The following AMPH variants were observed in gnomAD, a reference collection of about 807,000 sequenced individuals.
AMPH encodes the protein amphiphysin.
AMPH carries 49 observed loss-of-function variants against 99.1 expected under a neutral mutation model. The observed-to-expected ratio is 0.49, with a 90% CI of 0.39 to 0.63. The LOEUF (loss-of-function observed/expected upper bound fraction) is 0.63. AMPH is among the 20% of genes least tolerant of loss of function. AMPH has a pLI of 0.00. For synonymous variants in AMPH, 314 were observed against 317.3 expected (o/e 0.99, Z 0.11); for missense variants, 759 against 863.4 (o/e 0.88, Z 1.52).
chr7:38,539,238 C>T lies in AMPH; in HGVS notation c.70-4227G>A, dbSNP rs189602047. Among the ~76,000 whole-genome samples the T allele has an allele frequency of 2.1e-4, 32 of 152,234 alleles. No homozygotes were observed. The East Asian group carries it at 5.6e-3, about 27-fold the overall frequency. ...TGAAAGTGTCCACTGGATTTAGGAA[C>T]CAGAAGGTTCCTGGGATCCTTCCCA... is the stretch of plus-strand genomic sequence containing the variant. On this transcript the variant is annotated intron_variant, in intron 1 of 20. Coordinates refer to ENST00000356264, the MANE Select transcript of AMPH (RefSeq NM_001635.4).
At chr7:38,548,270 C>G (rs1791062685) in intron 1 of AMPH, among the ~76,000 whole-genome samples, 1 of 152,062 alleles carries the variant, frequency 6.6e-6, no homozygotes, top group Admixed American at 6.5e-5. Flanking sequence ...ACCTCGTGAT[C>G]TGCCTGCCTC....
chr7:38,464,819 A>G (rs6953203), intron 9 of AMPH, among the ~76,000 whole-genome samples: 150,131 of 152,286 alleles, frequency 0.99, 74,012 homozygotes, highest in East Asian at 1. Context: ...CGTAAAGTCT[A>G]CGAAGGATGG....
intron 9 of AMPH, chr7:38,464,059 C>A (rs1454969544): frequency 7.8e-7 from 1 of 1,289,622 alleles, no homozygotes; most frequent in Non-Finnish European, 1.0e-6. Context: ...CCAATCTAAG[C>A]TTAATAGAGA....
At chr7:38,558,204 A>G (rs140374765) in intron 1 of AMPH, among the ~76,000 whole-genome samples, 1 of 152,338 alleles carries the variant, frequency 6.6e-6, no homozygotes, top group East Asian at 1.9e-4. Context: ...GTTTCTAGAG[A>G]AAGTCCATCT....
At chr7:38,556,932 G>A (rs1791384177) in intron 1 of AMPH, among the ~76,000 whole-genome samples, 1 of 152,178 alleles carries the variant, frequency 6.6e-6, no homozygotes, top group Non-Finnish European at 1.5e-5. Flanking sequence ...TAAGCAAATT[G>A]ACTTGGATGA....
chr7:38,462,544 A>G (rs1030979038), intron 10 of AMPH, among the ~76,000 whole-genome samples: 4 of 152,206 alleles, frequency 2.6e-5, no homozygotes, highest in African/African-American at 9.6e-5. Flanking sequence ...TGTGTGTACT[A>G]AAAAATGTCC....
At position 38,465,485 on chromosome 7, in the gene AMPH, G is replaced by C; in HGVS notation, c.731C>G (p.Thr244Ser). 1 of 1,580,760 alleles carries C rather than the reference G, an allele frequency of 6.3e-7. No individual in the cohort carries two copies. The highest frequency in any genetic ancestry group is 1.2e-5 in the South Asian group (1 of 86,386). The part of the protein sequence containing the change: ...LGDQHADKAF[T>S]IQGAPSDSGP... ...GGCCTACCTGGGCGCTCCTTGGATG[G>C]TGAAGGCCTTGTCGGCGTGCTGGTC... Residue 244 changes from threonine (T) to serine (S), a missense_variant, in exon 9 of 21, where the codon ACC becomes AGC. Around this residue, in one of 2 missense-constraint regions of AMPH, gnomAD observed 554 missense variants for 575.6 expected, o/e 0.96. Transcript: ENST00000356264.
At chr7:38,603,975 GGGT>G (rs1179820365) in intron 1 of AMPH, among the ~76,000 whole-genome samples, 1 of 152,226 alleles carries the variant, frequency 6.6e-6, no homozygotes, top group Admixed American at 6.5e-5. Flanking sequence ...AGTGAATGCA[GGGT>G]GGAGCAGAAA....
intron 17 of AMPH, 129 bp downstream of exon 17, chr7:38,417,695 TG>T: frequency 8.2e-7 from 1 of 1,216,970 alleles, no homozygotes; most frequent in Non-Finnish European, 1.1e-6. Context: ...TATTTGAACC[TG>T]GGAGCTACGA....
intron 1 of AMPH, among the ~76,000 whole-genome samples, chr7:38,537,254 CT>C (rs1456717099): frequency 6.6e-6 from 1 of 152,092 alleles, no homozygotes; most frequent in East Asian, 1.9e-4. Flanking sequence ...GGACCTATAT[CT>C]GATTGAGTGG....
chr7:38,526,425 A>G (rs1790189204), intron 2 of AMPH, among the ~76,000 whole-genome samples: 1 of 121,702 alleles, frequency 8.2e-6, no homozygotes, highest in South Asian at 2.9e-4. Context: ...ACCCACTACC[A>G]TGCCCGGCTT....
At chr7:38,569,976 T>A (rs935878053) in intron 1 of AMPH, among the ~76,000 whole-genome samples, 1 of 152,188 alleles carries the variant, frequency 6.6e-6, no homozygotes, top group East Asian at 1.9e-4. Context: ...ATTTTTTCAA[T>A]CTAAATGGTA....
At chr7:38,453,018 C>T (rs1246822796) in intron 11 of AMPH, among the ~76,000 whole-genome samples, 1 of 152,160 alleles carries the variant, frequency 6.6e-6, no homozygotes, top group African/African-American at 2.4e-5. Flanking sequence ...CTGTTTCACT[C>T]CCGCTTTTGA....
In AMPH at chr7:38,461,123, T is replaced by G. The variant is rs111278963; in HGVS notation, c.1017+160A>C. 4.6e-5 allele frequency among the ~76,000 whole-genome samples: 7 copies of G among 152,354 alleles called. 1 individual carries two copies. Among genetic ancestry groups the G allele is most frequent in the African/African-American group, 1.7e-4 (7 of 41,596 alleles). On this transcript the variant is annotated intron_variant, in intron 11 of 20. Coordinates refer to ENST00000356264, the MANE Select transcript of AMPH (RefSeq NM_001635.4). ...TTTCAAATACCGTACATCTCCCATG[T>G]AAGAATGCTTCAGACTAACCAAGTA...
At position 38,494,531 on chromosome 7, in the gene AMPH, G is replaced by A; in HGVS notation, c.206-4C>T. On this transcript the variant is annotated splice_polypyrimidine_tract_variant and splice_region_variant and intron_variant, in intron 3 of 20. Coordinates refer to ENST00000356264, the MANE Select transcript of AMPH (RefSeq NM_001635.4). Reference sequence around the variant, plus strand: ...TTCATGGAGGCCTCCTGCATGCCTAGTGTTGGAGAGAAACAACTCCCGTTA... The same window carrying A: ...TTCATGGAGGCCTCCTGCATGCCTAATGTTGGAGAGAAACAACTCCCGTTA... The A allele has an allele frequency of 6.2e-7, 1 of 1,612,760 alleles. No homozygotes were observed. The highest frequency in any genetic ancestry group is 8.5e-7 in the Non-Finnish European group (1 of 1,178,846).
At chr7:38,432,335 T>C (rs1562750869) in intron 12 of AMPH, 123 bp from the exon 13 acceptor site, 2 of 850,532 alleles carry the variant, frequency 2.4e-6, no homozygotes, top group Non-Finnish European at 1.9e-6. Flanking sequence ...TACTGTTCAA[T>C]AAAACTTTTT....
At chr7:38,546,445 C>T (rs1404554492) in intron 1 of AMPH, among the ~76,000 whole-genome samples, 2 of 152,034 alleles carry the variant, frequency 1.3e-5, no homozygotes, top group African/African-American at 4.8e-5. Context: ...TTGTAGGAGA[C>T]CTATGTTTCA....
intron 1 of AMPH, among the ~76,000 whole-genome samples, chr7:38,574,670 T>C (rs756576589): frequency 6.6e-6 from 1 of 152,228 alleles, no homozygotes; most frequent in Admixed American, 6.5e-5. Context: ...ATTATGTTCA[T>C]GTGGTAGGAC....
intron 1 of AMPH, among the ~76,000 whole-genome samples, chr7:38,605,617 C>T (rs9987020): frequency 0.036 from 5,406 of 152,036 alleles, 381 homozygotes; most frequent in African/African-American, 0.12. Flanking sequence ...ACTCTTGTCC[C>T]CAAGCAGGAG....
Sources: gnomAD v4.1 joint callset for allele counts (sites outside exome capture counted in the v4.1 genomes callset) on GRCh38, gnomAD v4.1.1 for gene constraint, gnomAD v4.1.1 regional missense constraint, MANE v1.5 for transcripts, NCBI Gene and HGNC (gene_info 2026-07-23, HGNC 2026-07-21) for gene names.